RBFOX1: variants seen among roughly 807,000 people sequenced by gnomAD.
The protein encoded by RBFOX1 is RNA binding protein fox-1 homolog 1.
Under a neutral mutation model 57.7 loss-of-function variants are expected in RBFOX1, and 8 were observed. The ratio of observed to expected loss-of-function variants is 0.14; its 90% confidence interval spans 0.08 to 0.25. The LOEUF is 0.25. Ranked by LOEUF, RBFOX1 falls within the 10% of genes least tolerant of loss-of-function variation. The probability of loss-of-function intolerance (pLI) is 1.00; values close to 1 mark genes in which losing one functional copy is unlikely to be tolerated. For synonymous variants in RBFOX1, 326 were observed against 222.4 expected, an observed-to-expected ratio of 1.47 and a Z score of -4.15; for missense variants, 611 against 548.5, an observed-to-expected ratio of 1.11 and a Z score of -1.14.
chr16:6,439,507 C>T (rs1956065982), intron 2 of RBFOX1, among the ~76,000 whole-genome samples: 1 of 152,156 alleles, frequency 6.6e-6, no homozygotes, highest in Non-Finnish European at 1.5e-5. Context: ...CCCTTCTGCC[C>T]CTTTCCTCAT....
At chr16:5,371,233 C>T (rs1454075241) in intron 1 of RBFOX1, among the ~76,000 whole-genome samples, 3 of 152,222 alleles carry the variant, frequency 2.0e-5, no homozygotes, top group Admixed American at 2.0e-4. Flanking sequence ...CAGGCGTGAG[C>T]CCCCTGTGCC....
intron 1 of RBFOX1, among the ~76,000 whole-genome samples, chr16:5,370,597 A>G (rs2065833434): frequency 6.6e-6 from 1 of 151,554 alleles, no homozygotes; most frequent in African/African-American, 2.4e-5. Flanking sequence ...GCCTGGAGTG[A>G]TCCTCCTGCC....
At chr16:7,182,356 C>A (rs556778768) in intron 4 of RBFOX1, among the ~76,000 whole-genome samples, 1 of 152,180 alleles carries the variant, frequency 6.6e-6, no homozygotes, top group East Asian at 1.9e-4. Flanking sequence ...ATCTTCCATT[C>A]TTCCTGAAGC....
rs148423279 is a variant in RBFOX1, at chr16:5,367,573, G to A, written c.220-99643G>A. Among the ~76,000 whole-genome samples the A allele has an allele frequency of 7.6e-3, 1,150 of 152,304 alleles. 5 individuals carry two copies. Among genetic ancestry groups the A allele is most frequent in the Non-Finnish European group, 0.011 (776 of 68,036 alleles). ...AGGTTCTTACAAACCTTCCCCAGTGGATACTATTACTTCATTATCTTACTG... is the reference window on the plus strand; with the variant it reads ...AGGTTCTTACAAACCTTCCCCAGTGAATACTATTACTTCATTATCTTACTG... On this transcript the variant is annotated intron_variant, in intron 1 of 2. Transcript: ENST00000585867.
intron 14 of RBFOX1, among the ~76,000 whole-genome samples, chr16:7,690,470 C>A (rs1489801923): frequency 1.3e-5 from 2 of 152,062 alleles, no homozygotes; most frequent in Non-Finnish European, 2.9e-5. Context: ...AACGACTCAG[C>A]CAGACTTGTT....
intron 3 of RBFOX1, among the ~76,000 whole-genome samples, chr16:6,852,453 G>A (rs989268513): frequency 6.6e-6 from 1 of 152,208 alleles, no homozygotes; most frequent in African/African-American, 2.4e-5. Flanking sequence ...TGAGATATCT[G>A]AGTGGCTATT....
At chr16:7,176,440 G>C (rs1406565334) in intron 4 of RBFOX1, among the ~76,000 whole-genome samples, 1 of 151,866 alleles carries the variant, frequency 6.6e-6, no homozygotes, top group Admixed American at 6.6e-5. Flanking sequence ...ATATGTACGA[G>C]GTATCTATTA....
intron 4 of RBFOX1, among the ~76,000 whole-genome samples, chr16:7,230,780 G>A (rs1300482851): frequency 2.0e-5 from 3 of 152,090 alleles, no homozygotes; most frequent in Admixed American, 6.5e-5. Context: ...TCTGCTCTTC[G>A]GACATAAACT....
At chr16:5,574,005 T>C (rs893258470) in intron 2 of RBFOX1, among the ~76,000 whole-genome samples, 2 of 152,240 alleles carry the variant, frequency 1.3e-5, no homozygotes, top group African/African-American at 4.8e-5. Context: ...TCCGAAACCA[T>C]ATCTTGTTTA....
intron 3 of RBFOX1, among the ~76,000 whole-genome samples, chr16:5,688,744 CAA>C (rs1411724716): frequency 2.6e-5 from 4 of 152,124 alleles, no homozygotes; most frequent in African/African-American, 9.7e-5. Context: ...TAAGCTCAGA[CAA>C]AAAGGAGAAT....
At chr16:5,353,527 A>G (rs2065311268) in intron 1 of RBFOX1, among the ~76,000 whole-genome samples, 2 of 152,076 alleles carry the variant, frequency 1.3e-5, no homozygotes, top group East Asian at 1.9e-4. Flanking sequence ...TGCAGGATGG[A>G]TTTATGTGAA....
chr16:6,987,429 C>G, intron 3 of RBFOX1, among the ~76,000 whole-genome samples: 1 of 149,456 alleles, frequency 6.7e-6, no homozygotes, highest in Non-Finnish European at 1.5e-5. Context: ...CTAGGCTTAT[C>G]TCAGGACAGC....
At chr16:6,809,898 CT>C (rs1315317012) in intron 3 of RBFOX1, among the ~76,000 whole-genome samples, 1 of 152,052 alleles carries the variant, frequency 6.6e-6, no homozygotes. Flanking sequence ...GAGAGAGTTG[CT>C]TTTGTACAAA....
chr16:6,584,036 C>T (rs918264824), intron 2 of RBFOX1, among the ~76,000 whole-genome samples: 1 of 151,108 alleles, frequency 6.6e-6, no homozygotes, highest in African/African-American at 2.4e-5. Context: ...TGTAGGATTC[C>T]TTAGTAGAAG....
chr16:6,705,645 G>C (rs1419178412), intron 3 of RBFOX1: 1 of 151,400 alleles, frequency 6.6e-6, no homozygotes, highest in Non-Finnish European at 1.5e-5. Context: ...ATATTTTACA[G>C]TGCAAGAAAG....
intron 1 of RBFOX1, among the ~76,000 whole-genome samples, chr16:6,276,268 C>T (rs1056388413): frequency 5.3e-5 from 8 of 152,258 alleles, no homozygotes; most frequent in African/African-American, 1.4e-4. Context: ...TGTGGAATGT[C>T]ACGGAAGTGG....
chr16:7,201,111 C>T lies in RBFOX1; in HGVS notation c.27+149013C>T, dbSNP rs186348436. 1.9e-4 allele frequency among the ~76,000 whole-genome samples: 29 copies of T among 152,256 alleles called. No individual in the cohort carries two copies. The East Asian group carries it at 5.6e-3, about 29-fold the overall frequency. ...ATTTCTGAATGTAAAAATTGCTCTG[C>T]AGGCAACAAAGCTGGAAGATATGAG... On this transcript the variant is annotated intron_variant, in intron 4 of 15. Coordinates refer to ENST00000550418, the MANE Select transcript of RBFOX1 (RefSeq NM_018723.4).
chr16:6,575,586 G>A (rs1048348937), intron 2 of RBFOX1, among the ~76,000 whole-genome samples: 1 of 152,072 alleles, frequency 6.6e-6, no homozygotes, highest in Admixed American at 6.5e-5. Flanking sequence ...GGCTAGGCAC[G>A]GTGGCTCATG....
At chr16:6,409,887 G>T (rs1184713054) in intron 2 of RBFOX1, among the ~76,000 whole-genome samples, 1 of 152,044 alleles carries the variant, frequency 6.6e-6, no homozygotes, top group African/African-American at 2.4e-5. Context: ...GCTCTTGGAG[G>T]GTTTGGGTTT....
Sources: gnomAD v4.1 joint callset for allele counts (sites outside exome capture counted in the v4.1 genomes callset) on GRCh38, gnomAD v4.1.1 for gene constraint, MANE v1.5 for transcripts, NCBI Gene and HGNC (gene_info 2026-07-23, HGNC 2026-07-21) for gene names.